The following LDB2 variants were observed in gnomAD, a reference collection of about 807,000 sequenced individuals.
LDB2 encodes the protein LIM domain-binding protein 2.
Under a neutral mutation model 44.3 loss-of-function variants are expected in LDB2, and 12 were observed. The observed-to-expected ratio is 0.27, with a 90% CI of 0.17 to 0.44. The LOEUF (loss-of-function observed/expected upper bound fraction) is 0.44. Among genes scored for constraint, LDB2 ranks in the 20% least tolerant of loss-of-function variants. The pLI, the probability that LDB2 is intolerant of heterozygous loss-of-function variation, is 1.00. For missense variants in LDB2, 344 were observed against 473.5 expected (o/e 0.73, Z 2.54); for synonymous variants, 164 against 174.8 (o/e 0.94, Z 0.49).
Position 16,571,662 on chromosome 4 carries a change from A to G in LDB2, c.615+14260T>C, listed in dbSNP as rs1391273238. ...GAGCCTCAGTTTCTTTTTCTGTAAA[A>G]CTAGGCCATTAACACCTCCCTCTCA... is the stretch of plus-strand genomic sequence containing the variant. On this transcript the variant is annotated intron_variant, in intron 5 of 7. Coordinates refer to ENST00000304523, the MANE Select transcript of LDB2 (RefSeq NM_001290.5). 3.9e-5 allele frequency among the ~76,000 whole-genome samples: 6 copies of G among 152,156 alleles called. No homozygotes were observed. In the East Asian group the frequency reaches 1.2e-3, roughly 29 times the overall value.
chr4:16,763,700 A>T (rs1012436387), intron 1 of LDB2, among the ~76,000 whole-genome samples: 5 of 152,204 alleles, frequency 3.3e-5, no homozygotes, highest in Non-Finnish European at 7.3e-5. Context: ...ACATGTATTG[A>T]ACCATTTTAT....
At chr4:16,782,132 A>G (rs1332112140) in intron 1 of LDB2, among the ~76,000 whole-genome samples, 3 of 152,168 alleles carry the variant, frequency 2.0e-5, no homozygotes, top group Non-Finnish European at 4.4e-5. Context: ...TCCAAACCGC[A>G]GGCCAGGTAT....
At chr4:16,708,349 A>AAC (rs145560983) in intron 2 of LDB2, among the ~76,000 whole-genome samples, 27 of 151,832 alleles carry the variant, frequency 1.8e-4, no homozygotes, top group African/African-American at 2.9e-4. Flanking sequence ...TGAAAATTAA[A>AAC]ACACACACAC....
At chr4:16,595,010 A>G (rs1720410251) in intron 3 of LDB2, among the ~76,000 whole-genome samples, 2 of 152,218 alleles carry the variant, frequency 1.3e-5, no homozygotes, top group Admixed American at 6.5e-5. Flanking sequence ...GGAATATTCC[A>G]TATGTCAATT....
At chr4:16,505,967 G>T (rs1418363441) in intron 7 of LDB2, 2 of 1,551,674 alleles carry the variant, frequency 1.3e-6, no homozygotes, top group South Asian at 2.4e-5. Context: ...CTGCAGTTCG[G>T]GATCGCTCCT....
At chr4:16,669,797 A>T (rs1275083945) in intron 2 of LDB2, among the ~76,000 whole-genome samples, 1 of 152,182 alleles carries the variant, frequency 6.6e-6, no homozygotes, top group Non-Finnish European at 1.5e-5. Context: ...CACTTTCCTC[A>T]TTCACATTTC....
At chr4:16,743,252 T>A (rs1317261602) in intron 2 of LDB2, among the ~76,000 whole-genome samples, 1 of 152,100 alleles carries the variant, frequency 6.6e-6, no homozygotes, top group Non-Finnish European at 1.5e-5. Context: ...ATCGCACCAC[T>A]GCACTCTAGC....
At position 16,549,154 on chromosome 4, in the gene LDB2, C is replaced by T. The variant is rs1483615409; in HGVS notation, c.615+36768G>A. Among the ~76,000 whole-genome samples the T allele has an allele frequency of 3.3e-5, 5 of 152,334 alleles. No homozygotes were observed. In the East Asian group the frequency reaches 5.8e-4, roughly 18 times the overall value. Reference sequence around the variant, plus strand: ...TAACAAGTACACAATTTCTAAGAGACTCTTGCAACCTTAGTGCTGTTTCAA... The same window carrying T: ...TAACAAGTACACAATTTCTAAGAGATTCTTGCAACCTTAGTGCTGTTTCAA... On this transcript the variant is annotated intron_variant, in intron 5 of 7. Transcript: ENST00000304523.
At chr4:16,719,121 T>C (rs1413092290) in intron 2 of LDB2, among the ~76,000 whole-genome samples, 1 of 152,070 alleles carries the variant, frequency 6.6e-6, no homozygotes, top group Non-Finnish European at 1.5e-5. Flanking sequence ...GTGGACAAAC[T>C]GCTGTTAAAC....
intron 5 of LDB2, among the ~76,000 whole-genome samples, chr4:16,563,466 T>TTTTTTTTTTTTTG (rs1743264947): frequency 8.7e-6 from 1 of 114,728 alleles, no homozygotes; most frequent in African/African-American, 3.5e-5. Flanking sequence ...TTTTTTTTTT[T>TTTTTTTTTTTTTG]GAGATGGAGT....
At chr4:16,835,852 G>A (rs373845502) in intron 1 of LDB2, among the ~76,000 whole-genome samples, 3 of 152,142 alleles carry the variant, frequency 2.0e-5, no homozygotes, top group South Asian at 2.1e-4. Context: ...TTCCGAGGTG[G>A]GAACTCTCCT....
At chr4:16,657,122 T>C (rs1740096673) in intron 2 of LDB2, among the ~76,000 whole-genome samples, 1 of 152,160 alleles carries the variant, frequency 6.6e-6, no homozygotes, top group South Asian at 2.1e-4. Context: ...GCGGACAATA[T>C]AAAGAGATAT....
intron 5 of LDB2, among the ~76,000 whole-genome samples, chr4:16,549,077 A>G (rs774894481): frequency 1.3e-5 from 2 of 152,190 alleles, no homozygotes; most frequent in Non-Finnish European, 2.9e-5. Flanking sequence ...TATTGAAGGA[A>G]TCTGGTGTAG....
chr4:16,812,739 G>C (rs1159838962), intron 1 of LDB2, among the ~76,000 whole-genome samples: 1 of 150,402 alleles, frequency 6.6e-6, no homozygotes, highest in Non-Finnish European at 1.5e-5. Flanking sequence ...TGATTGTGAT[G>C]GGACTGGAAA....
chr4:16,576,028 G>A lies in LDB2; in HGVS notation c.615+9894C>T, dbSNP rs1748152711. Among the ~76,000 whole-genome samples, 3 of 152,164 alleles carry A rather than the reference G, an allele frequency of 2.0e-5. No homozygotes were observed. In the South Asian group the frequency reaches 6.2e-4, roughly 31 times the overall value. On this transcript the variant is annotated intron_variant, in intron 5 of 7. Coordinates refer to ENST00000304523, the MANE Select transcript of LDB2 (RefSeq NM_001290.5). ...GTGCTGAGATTACAGGCGTGAGCCA[G>A]AAACATCTTTTAAAACAAATGATAA...
intron 1 of LDB2, among the ~76,000 whole-genome samples, chr4:16,867,133 G>A (rs1253282000): frequency 1.3e-5 from 2 of 152,178 alleles, no homozygotes; most frequent in Non-Finnish European, 2.9e-5. Flanking sequence ...GCACAGTCAG[G>A]AGCCAACATC....
chr4:16,678,446 G>C (rs1420587578), intron 2 of LDB2, among the ~76,000 whole-genome samples: 1 of 152,148 alleles, frequency 6.6e-6, no homozygotes, highest in Non-Finnish European at 1.5e-5. Flanking sequence ...CCAATCATGG[G>C]ACAGGCAAAA....
intron 1 of LDB2, among the ~76,000 whole-genome samples, chr4:16,855,382 C>T (rs1187422712): frequency 1.3e-5 from 2 of 152,040 alleles, no homozygotes; most frequent in Non-Finnish European, 2.9e-5. Flanking sequence ...TCTCTACCAT[C>T]GAGTACGTGA....
chr4:16,562,013 C>T (rs1742525266), intron 5 of LDB2, among the ~76,000 whole-genome samples: 1 of 151,792 alleles, frequency 6.6e-6, no homozygotes, highest in Non-Finnish European at 1.5e-5. Context: ...ACTGGCTAGC[C>T]ATATGTAGAA....
Sources: allele counts gnomAD v4.1 joint callset (sites outside exome capture counted in the v4.1 genomes callset), GRCh38; gene constraint gnomAD v4.1.1; transcripts MANE v1.5; gene names NCBI Gene and HGNC (gene_info 2026-07-23, HGNC 2026-07-21).